Variants in CNBD1 observed in about 807,000 individuals in gnomAD.
CNBD1 encodes cyclic nucleotide-binding domain-containing protein 1.
In CNBD1, 71 loss-of-function variants were observed where a neutral mutation model predicts 54.4. The ratio of observed to expected loss-of-function variants is 1.30; its 90% confidence interval spans 1.08 to 1.59. The LOEUF (loss-of-function observed/expected upper bound fraction) is 1.59. Ranked by LOEUF, CNBD1 falls within the 40% of genes most tolerant of loss-of-function variation. The pLI, the probability that CNBD1 is intolerant of heterozygous loss-of-function variation, is 0.00. For missense variants in CNBD1, 659 were observed against 518.0 expected (o/e 1.27, Z -2.64); for synonymous variants, 182 against 170.7 (o/e 1.07, Z -0.51).
chr8:87,093,806 C>T (rs1811264455), intron 4 of CNBD1, among the ~76,000 whole-genome samples: 2 of 152,130 alleles, frequency 1.3e-5, no homozygotes, highest in African/African-American at 4.8e-5. Context: ...AAACGTCTTC[C>T]ATTTCCTATG....
intron 2 of CNBD1, among the ~76,000 whole-genome samples, chr8:87,406,694 G>A (rs1807659425): frequency 6.6e-6 from 1 of 151,938 alleles, no homozygotes; most frequent in African/African-American, 2.4e-5. Context: ...TGGTCAGGCT[G>A]GTCTCAAACT....
rs189684887 is a variant in CNBD1 at position 87,261,322 on chromosome 8, C to T, written c.772-23356C>T. Among the ~76,000 whole-genome samples the T allele has an allele frequency of 7.5e-4, 114 of 152,146 alleles. 1 individual carries two copies. The highest frequency in any genetic ancestry group is 1.4e-3 in the Admixed American group (22 of 15,258). On this transcript the variant is annotated intron_variant, in intron 6 of 10. Transcript: ENST00000518476. Reference sequence around the variant, plus strand: ...ACAAATGGGTCCTGCAGGTACCTTGCGGGTTCAGTGCTCCTGGGGGTTGCT... The same window carrying T: ...ACAAATGGGTCCTGCAGGTACCTTGTGGGTTCAGTGCTCCTGGGGGTTGCT...
At chr8:87,377,421 C>G (rs186783895) in intron 10 of CNBD1, among the ~76,000 whole-genome samples, 4 of 150,962 alleles carry the variant, frequency 2.6e-5, no homozygotes, top group African/African-American at 9.8e-5. Context: ...TTTGTTCTTG[C>G]GATAGTTTAT....
intron 2 of CNBD1, among the ~76,000 whole-genome samples, chr8:87,390,394 A>T (rs1354332602): frequency 1.3e-5 from 2 of 152,096 alleles, no homozygotes; most frequent in Non-Finnish European, 1.5e-5. Flanking sequence ...ACTTAAACAA[A>T]TTTACAAGAA....
chr8:86,928,179 T>G (rs1165393774), intron 3 of CNBD1, among the ~76,000 whole-genome samples: 1 of 152,150 alleles, frequency 6.6e-6, no homozygotes, highest in Non-Finnish European at 1.5e-5. Flanking sequence ...GTTGATATCT[T>G]GCCAAAGAAG....
intron 4 of CNBD1, among the ~76,000 whole-genome samples, chr8:87,191,907 G>A (rs887274491): frequency 4.6e-5 from 7 of 152,026 alleles, no homozygotes; most frequent in Admixed American, 3.9e-4. Context: ...ATCTCCTAGC[G>A]CATATATGAA....
At chr8:87,168,000 T>C (rs1160320313) in intron 4 of CNBD1, among the ~76,000 whole-genome samples, 5 of 152,014 alleles carry the variant, frequency 3.3e-5, no homozygotes, top group Non-Finnish European at 7.4e-5. Context: ...TGTAACACAA[T>C]GGTAAGTATT....
chr8:87,030,806 G>A (rs1168220084), intron 4 of CNBD1, among the ~76,000 whole-genome samples: 1 of 150,764 alleles, frequency 6.6e-6, no homozygotes, highest in African/African-American at 2.4e-5. Context: ...GGGAAAGGGT[G>A]ATGACAGCCA....
intron 8 of CNBD1, among the ~76,000 whole-genome samples, chr8:87,341,652 G>A (rs1810065826): frequency 6.6e-6 from 1 of 152,096 alleles, no homozygotes; most frequent in South Asian, 2.1e-4. Flanking sequence ...ATCATAAATG[G>A]GCAAGCCCAA....
chr8:87,360,802 G>C (rs989808491), intron 10 of CNBD1, among the ~76,000 whole-genome samples: 1 of 151,792 alleles, frequency 6.6e-6, no homozygotes, highest in African/African-American at 2.4e-5. Flanking sequence ...GGTGTTATTG[G>C]TATAAACTAT....
intron 2 of CNBD1, among the ~76,000 whole-genome samples, chr8:87,391,259 A>G (rs1484957516): frequency 2.0e-5 from 3 of 152,018 alleles, no homozygotes; most frequent in Non-Finnish European, 4.4e-5. Context: ...AGAAATTTCA[A>G]ATAAAAAAAA....
intron 3 of CNBD1, among the ~76,000 whole-genome samples, chr8:86,912,728 A>G (rs1219092867): frequency 6.6e-6 from 1 of 152,180 alleles, no homozygotes; most frequent in East Asian, 1.9e-4. Flanking sequence ...GGTTAATTGT[A>G]AAACAACCTC....
At chr8:87,087,898 G>A (rs1409039689) in intron 4 of CNBD1, among the ~76,000 whole-genome samples, 7 of 152,112 alleles carry the variant, frequency 4.6e-5, no homozygotes, top group African/African-American at 1.2e-4. Context: ...AAGGTCATGC[G>A]GTCAGCAGGT....
Position 87,286,625 on chromosome 8 carries a change from T to G in CNBD1, c.996T>G (p.Tyr332Ter), listed in dbSNP as rs1164076533. The G allele has an allele frequency of 6.5e-6, 10 of 1,530,684 alleles. No individual in the cohort carries two copies. Among genetic ancestry groups the G allele is most frequent in the East Asian group, 2.4e-5 (1 of 40,872 alleles). The allele number at this position is 1,530,684 out of a possible 1,614,324, so 94.8% of individuals were successfully genotyped here. The change falls in exon 8 of 11, where the codon TAT (tyrosine) becomes TAG (stop). Residue 332 changes from tyrosine to a stop codon, truncating the protein, a stop_gained. Coordinates refer to ENST00000518476, the MANE Select transcript of CNBD1 (RefSeq NM_173538.3). LOFTEE classifies it high-confidence loss of function. ...AGGAATGGCCTACTTTATCCATATATGAGCTAATTGCACTCCTTAAATGGA... is the reference window on the plus strand; with the variant it reads ...AGGAATGGCCTACTTTATCCATATAGGAGCTAATTGCACTCCTTAAATGGA... ...YYEEWPTLSI[Y>*]ELIALLKWKK...
intron 5 of CNBD1, among the ~76,000 whole-genome samples, chr8:87,225,184 T>A (rs1245567965): frequency 2.0e-5 from 3 of 149,762 alleles, no homozygotes; most frequent in Non-Finnish European, 4.4e-5. Context: ...TCATGTCATC[T>A]GCAAACAGGG....
intron 10 of CNBD1, among the ~76,000 whole-genome samples, chr8:87,359,319 T>C (rs1810484902): frequency 6.6e-6 from 1 of 151,494 alleles, no homozygotes; most frequent in Non-Finnish European, 1.5e-5. Flanking sequence ...CCATAGTCTG[T>C]TCATTTGAGA....
At chr8:87,356,052 AC>A (rs1222041002) in intron 10 of CNBD1, among the ~76,000 whole-genome samples, 1 of 152,048 alleles carries the variant, frequency 6.6e-6, no homozygotes, top group African/African-American at 2.4e-5. Flanking sequence ...CATGAATAAA[AC>A]CTTCCTGAGT....
intron 4 of CNBD1, among the ~76,000 whole-genome samples, chr8:87,104,979 G>A (rs1327730316): frequency 2.6e-5 from 4 of 152,028 alleles, no homozygotes; most frequent in Admixed American, 1.3e-4. Flanking sequence ...TTTATTTCAC[G>A]GTATGAAATT....
At chr8:87,392,678 C>G (rs1180540540) in intron 2 of CNBD1, among the ~76,000 whole-genome samples, 1 of 151,862 alleles carries the variant, frequency 6.6e-6, no homozygotes, top group Non-Finnish European at 1.5e-5. Context: ...AGAGTGGCTA[C>G]TAAATCATAT....
Sources: gnomAD v4.1 joint callset for allele counts (sites outside exome capture counted in the v4.1 genomes callset) on GRCh38, gnomAD v4.1.1 for gene constraint, MANE v1.5 for transcripts, NCBI Gene and HGNC (gene_info 2026-07-23, HGNC 2026-07-21) for gene names.